Variants in LEPR observed in about 807,000 individuals in gnomAD.
The protein encoded by LEPR is leptin receptor.
In LEPR, 56 loss-of-function variants were observed where a neutral mutation model predicts 114.7. That is an observed-to-expected ratio of 0.49 (90% CI 0.39 to 0.61). The LOEUF is 0.61. Among genes scored for constraint, LEPR ranks in the 20% least tolerant of loss-of-function variants. The pLI, the probability that LEPR is intolerant of heterozygous loss-of-function variation, is 0.00. For missense variants in LEPR, 1,202 were observed against 1,352.9 expected, an observed-to-expected ratio of 0.89 and a Z score of 1.75; for synonymous variants, 443 against 461.4, an observed-to-expected ratio of 0.96 and a Z score of 0.51.
At position 65,424,176 on chromosome 1, in the gene LEPR, C is replaced by G. The variant is rs148129169; in HGVS notation, c.-96-1127C>G. On this transcript the variant is annotated intron_variant, in intron 1 of 19. Transcript: ENST00000349533. ...GCAGCACAACAAGGGCAAATACGTT[C>G]CTACTCCCGCAGAGACTAGTGTCCA... Among the ~76,000 whole-genome samples, 23 of 152,312 alleles carry G rather than the reference C, an allele frequency of 1.5e-4. No homozygotes were observed. The East Asian group carries it at 4.4e-3, about 29-fold the overall frequency.
chr1:65,471,544 C>T (rs1200810734), intron 2 of LEPR, among the ~76,000 whole-genome samples: 3 of 152,202 alleles, frequency 2.0e-5, no homozygotes. Context: ...GACCTTTGTA[C>T]ATGAATGCTT....
chr1:65,565,979 GT>G (rs1277895866), intron 3 of LEPR, among the ~76,000 whole-genome samples: 1 of 151,874 alleles, frequency 6.6e-6, no homozygotes, highest in African/African-American at 2.4e-5. Flanking sequence ...CATTTAACAG[GT>G]TTCCAATTTA....
chr1:65,592,856 A>T lies in LEPR; in HGVS notation c.694A>T (p.Ile232Leu), dbSNP rs1201559537. ...GTCACCTCTAATGTCAGTTCAGCCC[A>T]TAAATATGGGTAAGTTATGCACTAA... is the stretch of plus-strand genomic sequence containing the variant. Reference protein sequence around the residue: ...FQSPLMSVQPINMVKPDPPLG... With the variant: ...FQSPLMSVQPLNMVKPDPPLG... The change falls in exon 6 of 20, where the codon ATA becomes TTA. Residue 232 changes from isoleucine to leucine, a missense_variant. Physicochemically the swap from Ile to Leu is conservative, Grantham distance 5 (BLOSUM62 2). Transcript: ENST00000349533. 1.9e-6 allele frequency: 3 copies of T among 1,612,928 alleles called. No individual in the cohort carries two copies. In the African/African-American group the frequency reaches 4.0e-5, roughly 22 times the overall value.
chr1:65,626,146 A>G lies in LEPR; in HGVS notation c.2673+3165A>G, dbSNP rs749822105. ...AGAAAATGCCTGGCACAAAGGAACT[A>G]CTGGGTGGAGGTTGGTTGACTTAGG... is the stretch of plus-strand genomic sequence containing the variant. On this transcript the variant is annotated intron_variant, in intron 19 of 19. Transcript: ENST00000349533. The G allele has an allele frequency of 1.3e-4, 204 of 1,612,288 alleles. No homozygotes were observed. Among genetic ancestry groups the G allele is most frequent in the Admixed American group, 2.5e-4 (15 of 59,978 alleles).
chr1:65,611,565 G>A (rs1332331887), intron 14 of LEPR, among the ~76,000 whole-genome samples: 1 of 152,116 alleles, frequency 6.6e-6, no homozygotes, highest in Admixed American at 6.5e-5. Context: ...CTTTTTCTTT[G>A]ATTTGTCCTC....
chr1:65,432,681 A>G (rs114328096), intron 2 of LEPR: 1 of 974,210 alleles, frequency 1.0e-6, no homozygotes, highest in Admixed American at 6.2e-5. Context: ...GAATTGGGAG[A>G]CAGTCAAAGG....
intron 2 of LEPR, among the ~76,000 whole-genome samples, chr1:65,454,504 C>A (rs201386299): frequency 6.6e-6 from 1 of 151,968 alleles, no homozygotes; most frequent in South Asian, 2.1e-4. Context: ...TCAGCATTTG[C>A]TTGTCTGTAA....
chr1:65,590,864 A>G (rs1175835630), intron 5 of LEPR, among the ~76,000 whole-genome samples: 2 of 145,240 alleles, frequency 1.4e-5, no homozygotes, highest in Non-Finnish European at 3.0e-5. Context: ...CATCTGTTTT[A>G]AAGTTTGGTT....
chr1:65,564,936 T>C (rs1653620918), intron 2 of LEPR, among the ~76,000 whole-genome samples: 1 of 152,246 alleles, frequency 6.6e-6, no homozygotes. Flanking sequence ...AAATCTTGTC[T>C]CTGAAGTCGG....
chr1:65,617,603 T>G (rs903257329), intron 15 of LEPR, among the ~76,000 whole-genome samples: 35 of 152,346 alleles, frequency 2.3e-4, no homozygotes, highest in African/African-American at 8.2e-4. Context: ...AGTGGGATGC[T>G]GTGCAGATGG....
chr1:65,622,860 T>C, intron 18 of LEPR, 46 bp from the exon 19 acceptor site: 1 of 1,599,290 alleles, frequency 6.3e-7, no homozygotes, highest in Non-Finnish European at 8.6e-7. Flanking sequence ...ACATTTTCAA[T>C]ATGGATGTTT....
intron 2 of LEPR, among the ~76,000 whole-genome samples, chr1:65,460,980 C>CT (rs529223465): frequency 0.092 from 12,710 of 138,594 alleles, 692 homozygotes; most frequent in African/African-American, 0.15. Context: ...TCTTTCTTTT[C>CT]TTTTTTTTTT....
chr1:65,431,699 G>A (rs1191130805), intron 2 of LEPR: 2 of 1,201,128 alleles, frequency 1.7e-6, no homozygotes, highest in Admixed American at 4.6e-5. Context: ...TAGCAGCTTT[G>A]TGTAACATTT....
chr1:65,612,849 A>T (rs984507939), intron 14 of LEPR, among the ~76,000 whole-genome samples: 2 of 152,182 alleles, frequency 1.3e-5, no homozygotes, highest in Non-Finnish European at 2.9e-5. Context: ...CATATTAAGG[A>T]TACATTCTAC....
At chr1:65,501,771 G>A (rs1444638651) in intron 2 of LEPR, among the ~76,000 whole-genome samples, 1 of 152,054 alleles carries the variant, frequency 6.6e-6, no homozygotes, top group Non-Finnish European at 1.5e-5. Context: ...TGTCAAATAT[G>A]TGAATCATAA....
At chr1:65,488,298 C>CTCTT (rs1553157778) in intron 2 of LEPR, among the ~76,000 whole-genome samples, 11 of 143,910 alleles carry the variant, frequency 7.6e-5, no homozygotes, top group African/African-American at 2.7e-4. Context: ...CTCTCTCTCT[C>CTCTT]TCTCTTTCTC....
At chr1:65,594,024 A>C (rs1057474988) in intron 6 of LEPR, among the ~76,000 whole-genome samples, 1 of 152,082 alleles carries the variant, frequency 6.6e-6, no homozygotes, top group African/African-American at 2.4e-5. Flanking sequence ...TGCAGAGATA[A>C]TTTTGGGGAA....
intron 2 of LEPR, among the ~76,000 whole-genome samples, chr1:65,456,432 A>G (rs1646877297): frequency 1.3e-5 from 2 of 152,036 alleles, no homozygotes; most frequent in South Asian, 2.1e-4. Flanking sequence ...TCCAACTACA[A>G]TCATGGATTC....
chr1:65,491,414 G>A (rs764512922), intron 2 of LEPR, among the ~76,000 whole-genome samples: 5 of 152,056 alleles, frequency 3.3e-5, no homozygotes, highest in Non-Finnish European at 5.9e-5. Context: ...AATCTAACGA[G>A]CTTATGTTAC....
Sources: gnomAD v4.1 joint callset for allele counts (sites outside exome capture counted in the v4.1 genomes callset) on GRCh38, gnomAD v4.1.1 for gene constraint, MANE v1.5 for transcripts, NCBI Gene and HGNC (gene_info 2026-07-23, HGNC 2026-07-21) for gene names.